Variants in ZBTB16 observed in about 807,000 individuals in gnomAD.
ZBTB16 encodes zinc finger and BTB domain containing 16.
Under a neutral mutation model 56.8 loss-of-function variants are expected in ZBTB16, and 8 were observed. That is an observed-to-expected ratio of 0.14 (90% CI 0.08 to 0.25). The LOEUF (loss-of-function observed/expected upper bound fraction) is 0.25. Ranked by LOEUF, ZBTB16 falls within the 10% of genes least tolerant of loss-of-function variation. The pLI, the probability that ZBTB16 is intolerant of heterozygous loss-of-function variation, is 1.00. For missense variants in ZBTB16, 625 were observed against 903.0 expected (o/e 0.69, Z 3.95); for synonymous variants, 363 against 368.5 (o/e 0.98, Z 0.17).
chr11:114,083,195 T>C (rs1026473586), intron 2 of ZBTB16, among the ~76,000 whole-genome samples: 1 of 152,240 alleles, frequency 6.6e-6, no homozygotes, highest in Non-Finnish European at 1.5e-5. Context: ...TACGGGTGTT[T>C]GGTTGTTTTG....
chr11:114,112,166 G>T (rs886873276), intron 2 of ZBTB16, among the ~76,000 whole-genome samples: 4 of 152,118 alleles, frequency 2.6e-5, no homozygotes, highest in Non-Finnish European at 5.9e-5. Flanking sequence ...TTGCACATTT[G>T]TTGGTTCTCT....
At chr11:114,187,170 G>A in intron 4 of ZBTB16, 132 bp downstream of exon 4, 2 of 866,152 alleles carry the variant, frequency 2.3e-6, no homozygotes, top group Non-Finnish European at 3.8e-6. Flanking sequence ...CTGTGAGTAG[G>A]ATGGGCTTCT....
In ZBTB16 at chr11:114,256,022, G is replaced by GTTTTTTTTTTTT. The variant is rs61107073; in HGVS notation, c.*5468_*5479dup. On this transcript the variant is annotated 3_prime_UTR_variant, in exon 7 of 7. Transcript: ENST00000335953. ...TTATTGAAGTACTTGGTTTTGTTTT[G>GTTTTTTTTTTTT]TTTTTTTTTTTTGTTTTTTTTGCCT... Among the ~76,000 whole-genome samples the GTTTTTTTTTTTT allele has an allele frequency of 6.3e-5, 9 of 143,092 alleles. No individual in the cohort carries two copies. Among genetic ancestry groups the GTTTTTTTTTTTT allele is most frequent in the East Asian group, 2.0e-4 (1 of 4,914 alleles). The allele number at this position is 143,092 out of a possible 152,430, so 93.9% of individuals were successfully genotyped here. A position where few individuals can be genotyped will look rare whatever the true frequency, so the allele number is the denominator to read the frequency against.
At chr11:114,111,989 C>G (rs1374993068) in intron 2 of ZBTB16, among the ~76,000 whole-genome samples, 1 of 151,950 alleles carries the variant, frequency 6.6e-6, no homozygotes, top group African/African-American at 2.4e-5. Context: ...TCTCTGGTGT[C>G]CATTTGTCAA....
chr11:114,186,981 T>C lies in ZBTB16; in HGVS notation c.1396T>C (p.Cys466Arg). ...TGCCAAAGCCTTTGTCTGTGATCAG[T>C]GCGGTGCACAGTTTTCGAAGGAGGA... ...AGAKAFVCDQ[C>R]GAQFSKEDAL... The change falls in exon 4 of 7, where the codon TGC becomes CGC. Residue 466 changes from cysteine (C) to arginine (R), a missense_variant. This residue lies in a region of ZBTB16 where 140 missense variants were observed against 214.8 expected (regional missense o/e 0.65). Transcript: ENST00000335953. 6.2e-7 allele frequency: 1 copy of C among 1,614,112 alleles called. No homozygotes were observed. The highest frequency in any genetic ancestry group is 1.3e-5 in the African/African-American group (1 of 75,038).
At chr11:114,164,664 G>T (rs959584116) in intron 3 of ZBTB16, among the ~76,000 whole-genome samples, 11 of 152,178 alleles carry the variant, frequency 7.2e-5, no homozygotes, top group Non-Finnish European at 1.2e-4. Context: ...TTCTTAGGAG[G>T]CCTGGCCGTG....
intron 3 of ZBTB16, among the ~76,000 whole-genome samples, chr11:114,167,852 T>C (rs901294684): frequency 2.0e-5 from 3 of 152,190 alleles, no homozygotes; most frequent in Admixed American, 6.5e-5. Flanking sequence ...CTGGCTCTAG[T>C]TGTTTTAAAT....
At chr11:114,075,318 C>G (rs952090545) in intron 2 of ZBTB16, among the ~76,000 whole-genome samples, 2 of 152,060 alleles carry the variant, frequency 1.3e-5, no homozygotes, top group Non-Finnish European at 2.9e-5. Flanking sequence ...CTGATTCATA[C>G]TGGTGGTAGA....
In ZBTB16 at chr11:114,254,982, G is replaced by A. The variant is rs990004587; in HGVS notation, c.*4427G>A. Among the ~76,000 whole-genome samples, 2 of 152,182 alleles carry A rather than the reference G, an allele frequency of 1.3e-5. No individual in the cohort carries two copies. Among genetic ancestry groups the A allele is most frequent in the Admixed American group, 6.5e-5 (1 of 15,276 alleles). On this transcript the variant is annotated 3_prime_UTR_variant, in exon 7 of 7. Coordinates refer to ENST00000335953, the MANE Select transcript of ZBTB16 (RefSeq NM_006006.6). ...CCCCGGGCCCTTGGCATCCAACTTC[G>A]CAGACAGGGTACCAGCCTCCTGGTG...
At chr11:114,240,966 G>A (rs1414084006) in intron 4 of ZBTB16, among the ~76,000 whole-genome samples, 1 of 152,152 alleles carries the variant, frequency 6.6e-6, no homozygotes, top group Non-Finnish European at 1.5e-5. Flanking sequence ...TTCTTCCCCA[G>A]CTGCACTGCA....
At chr11:114,070,968 G>T (rs905661976) in intron 2 of ZBTB16, among the ~76,000 whole-genome samples, 4 of 152,196 alleles carry the variant, frequency 2.6e-5, no homozygotes, top group Non-Finnish European at 5.9e-5. Context: ...GTAGTGGTGA[G>T]GCCAGGTCTA....
intron 2 of ZBTB16, among the ~76,000 whole-genome samples, chr11:114,140,452 C>A (rs1216894930): frequency 7.2e-5 from 11 of 152,220 alleles, no homozygotes; most frequent in Admixed American, 7.2e-4. Flanking sequence ...AAATACCTAT[C>A]AATCAATCAG....
intron 2 of ZBTB16, among the ~76,000 whole-genome samples, chr11:114,088,508 G>A (rs1940051432): frequency 6.6e-6 from 1 of 152,024 alleles, no homozygotes; most frequent in Admixed American, 6.6e-5. Flanking sequence ...TTGTGGGCAG[G>A]ACCTGGAATC....
At chr11:114,126,820 C>T (rs967294723) in intron 2 of ZBTB16, among the ~76,000 whole-genome samples, 10 of 152,158 alleles carry the variant, frequency 6.6e-5, no homozygotes, top group African/African-American at 2.2e-4. Flanking sequence ...GCTCCTTGAC[C>T]TACGAGGGGC....
At chr11:114,126,498 A>G (rs938338121) in intron 2 of ZBTB16, among the ~76,000 whole-genome samples, 1 of 151,880 alleles carries the variant, frequency 6.6e-6, no homozygotes, top group Non-Finnish European at 1.5e-5. Flanking sequence ...AGCTGGGTGG[A>G]TGTAGTCTAA....
chr11:114,208,845 T>C (rs1943941375), intron 4 of ZBTB16, among the ~76,000 whole-genome samples: 1 of 152,134 alleles, frequency 6.6e-6, no homozygotes, highest in Admixed American at 6.5e-5. Context: ...AAGTATTCAG[T>C]GTTAGGTGGT....
At chr11:114,235,695 CTTTCTTTCT>C (rs1565701790) in intron 4 of ZBTB16, among the ~76,000 whole-genome samples, 17 of 92,208 alleles carry the variant, frequency 1.8e-4, no homozygotes, top group Admixed American at 4.5e-4. Flanking sequence ...TCTTTCTTTT[CTTTCTTTCT>C]TTTCTTTCTT....
At chr11:114,107,087 T>G (rs1436148429) in intron 2 of ZBTB16, among the ~76,000 whole-genome samples, 1 of 152,166 alleles carries the variant, frequency 6.6e-6, no homozygotes, top group African/African-American at 2.4e-5. Context: ...TGGAACCTGC[T>G]AGAGTGATCC....
chr11:114,174,099 T>C (rs1943042664), intron 3 of ZBTB16, among the ~76,000 whole-genome samples: 1 of 152,182 alleles, frequency 6.6e-6, no homozygotes, highest in African/African-American at 2.4e-5. Flanking sequence ...TTCCACTTTG[T>C]AGATGGAGAA....
Sources: allele counts gnomAD v4.1 joint callset (sites outside exome capture counted in the v4.1 genomes callset), GRCh38; gene constraint gnomAD v4.1.1; regional missense constraint gnomAD v4.1.1; transcripts MANE v1.5; gene names NCBI Gene and HGNC (gene_info 2026-07-23, HGNC 2026-07-21).